The following PLPP4 variants were observed in gnomAD, a reference collection of about 807,000 sequenced individuals.
PLPP4 encodes phospholipid phosphatase 4.
A neutral mutation model predicts 32.2 loss-of-function variants in PLPP4; 20 were observed. The observed-to-expected ratio is 0.62, with a 90% CI of 0.44 to 0.90. The LOEUF (loss-of-function observed/expected upper bound fraction) is 0.90. PLPP4 is among the 40% of genes least tolerant of loss of function. The pLI is 0.00. For synonymous variants in PLPP4, 127 were observed against 133.0 expected, an observed-to-expected ratio of 0.95 and a Z score of 0.31; for missense variants, 257 against 353.1, an observed-to-expected ratio of 0.73 and a Z score of 2.18.
At position 120,550,218 on chromosome 10, in the gene PLPP4, T is replaced by A. The variant is rs146825013; in HGVS notation, c.446-24913T>A. 1.4e-4 allele frequency among the ~76,000 whole-genome samples: 22 copies of A among 152,050 alleles called. No individual in the cohort carries two copies. In the East Asian group the frequency reaches 3.9e-3, roughly 27 times the overall value. ...AGACTTTTAAAGTACCATTTATAGG[T>A]ACTTAGGAATTAATAAACAAAAACT... On this transcript the variant is annotated intron_variant, in intron 5 of 6. Transcript: ENST00000398250.
In PLPP4 at chr10:120,580,673, AC is replaced by A. The variant is rs1564855625; in HGVS notation, c.616+5373del. On this transcript the variant is annotated intron_variant, in intron 6 of 6. Coordinates refer to ENST00000398250, the MANE Select transcript of PLPP4 (RefSeq NM_001030059.3). ...CACACACACACACACACACACACAC[AC>A]ACACACGGCTGAGGGACATACACTG... 1.2e-4 allele frequency among the ~76,000 whole-genome samples: 16 copies of A among 133,044 alleles called. 1 individual carries two copies. Among genetic ancestry groups the A allele is most frequent in the Middle Eastern group, 3.7e-3 (1 of 270 alleles). 87.3% of individuals were successfully genotyped at this position (133,044 alleles called of 152,430 possible). A position where few individuals can be genotyped will look rare whatever the true frequency, so the allele number is the denominator to read the frequency against.
rs376847506 is a variant in PLPP4 at position 120,579,382 on chromosome 10, GAC to G, written c.616+4085_616+4086del. Among the ~76,000 whole-genome samples, 771 of 152,242 alleles carry G rather than the reference GAC, an allele frequency of 5.1e-3. 51 individuals are homozygous for G. The South Asian group carries it at 0.12, about 24-fold the overall frequency. Reference sequence around the variant, plus strand: ...TTGGAAAGCGTCTCGGTCATTCACAGACACAGTTGTCTAACCGGGCTGAAGTT... The same window carrying G: ...TTGGAAAGCGTCTCGGTCATTCACAGACAGTTGTCTAACCGGGCTGAAGTT... On this transcript the variant is annotated intron_variant, in intron 6 of 6. Transcript: ENST00000398250.
At chr10:120,581,229 T>C in intron 6 of PLPP4, 1 of 985,402 alleles carries the variant, frequency 1.0e-6, no homozygotes, top group Non-Finnish European at 1.2e-6. Flanking sequence ...GCATCCTTCC[T>C]TTGTTTTACT....
In PLPP4 at chr10:120,463,928, C is replaced by T. The variant is rs930207119; in HGVS notation, c.56+6567C>T. On this transcript the variant is annotated intron_variant, in intron 1 of 6. Transcript: ENST00000398250. ...CTCCCAGGCTCAAGCAATCCTCCCA[C>T]CTCAGCCTCTCGAGTAGCTGGGACA... Among the ~76,000 whole-genome samples, 39 of 152,292 alleles carry T rather than the reference C, an allele frequency of 2.6e-4. 1 individual carries two copies. The highest frequency in any genetic ancestry group is 1.4e-3 in the Admixed American group (21 of 15,300).
At chr10:120,457,815 C>T (rs1251527265) in intron 1 of PLPP4, among the ~76,000 whole-genome samples, 1 of 152,188 alleles carries the variant, frequency 6.6e-6, no homozygotes, top group Non-Finnish European at 1.5e-5. Context: ...GTGTCCCTGG[C>T]TTTAGCGCCC....
At chr10:120,524,842 A>G (rs776927815) in intron 5 of PLPP4, among the ~76,000 whole-genome samples, 2 of 152,248 alleles carry the variant, frequency 1.3e-5, no homozygotes, top group Non-Finnish European at 2.9e-5. Context: ...TGCTTAAAGC[A>G]GGGATATTCT....
intron 1 of PLPP4, among the ~76,000 whole-genome samples, chr10:120,477,337 T>C (rs1027414684): frequency 6.7e-6 from 1 of 150,256 alleles, no homozygotes; most frequent in Non-Finnish European, 1.5e-5. Context: ...AATCTAAAGG[T>C]ATGTCGAATA....
At chr10:120,527,370 A>G (rs1316885386) in intron 5 of PLPP4, among the ~76,000 whole-genome samples, 1 of 152,110 alleles carries the variant, frequency 6.6e-6, no homozygotes, top group Non-Finnish European at 1.5e-5. Context: ...TATCTGGGAA[A>G]CCTCAATCTT....
In PLPP4 at chr10:120,555,838, A is replaced by G. The variant is rs113731326; in HGVS notation, c.446-19293A>G. On this transcript the variant is annotated intron_variant, in intron 5 of 6. Transcript: ENST00000398250. ...ACAAAATTAAGTTATGAGGATCACA[A>G]GGTGAAAAAGACAGCATCTGTTCTT... is the stretch of plus-strand genomic sequence containing the variant. Among the ~76,000 whole-genome samples, 1,246 of 152,330 alleles carry G rather than the reference A, an allele frequency of 8.2e-3. 22 individuals are homozygous for G. Among genetic ancestry groups the G allele is most frequent in the African/African-American group, 0.029 (1,197 of 41,574 alleles).
At chr10:120,529,222 G>C (rs893729689) in intron 5 of PLPP4, among the ~76,000 whole-genome samples, 1 of 152,062 alleles carries the variant, frequency 6.6e-6, no homozygotes, top group Non-Finnish European at 1.5e-5. Context: ...GTAACAGGGG[G>C]TGCTATTGGC....
intron 1 of PLPP4, among the ~76,000 whole-genome samples, chr10:120,458,097 G>A (rs1464756350): frequency 6.6e-6 from 1 of 152,162 alleles, no homozygotes; most frequent in Non-Finnish European, 1.5e-5. Context: ...AGAGATGCCT[G>A]AGCCTCCTCC....
chr10:120,520,890 G>A, intron 4 of PLPP4, 81 bp from the exon 5 acceptor site: 1 of 1,551,322 alleles, frequency 6.4e-7, no homozygotes, highest in Non-Finnish European at 8.8e-7. Flanking sequence ...GCTGGGGGCA[G>A]TGGGGAGTTG....
chr10:120,513,384 T>G (rs1247011941), intron 2 of PLPP4, among the ~76,000 whole-genome samples: 5 of 152,192 alleles, frequency 3.3e-5, no homozygotes, highest in Admixed American at 1.3e-4. Context: ...GTTGAGCATC[T>G]ATGTGGAGGA....
intron 6 of PLPP4, among the ~76,000 whole-genome samples, chr10:120,586,985 A>T (rs917070607): frequency 6.6e-6 from 1 of 152,178 alleles, no homozygotes; most frequent in Non-Finnish European, 1.5e-5. Context: ...AATAGAAATG[A>T]CATTGAGCCC....
intron 1 of PLPP4, among the ~76,000 whole-genome samples, chr10:120,487,517 G>A (rs1844515185): frequency 6.6e-6 from 1 of 152,198 alleles, no homozygotes; most frequent in South Asian, 2.1e-4. Flanking sequence ...AGCAACATTT[G>A]ATTTATTTCT....
chr10:120,580,719 G>C (rs1468468250), intron 6 of PLPP4, among the ~76,000 whole-genome samples: 1 of 150,592 alleles, frequency 6.6e-6, no homozygotes, highest in Non-Finnish European at 1.5e-5. Context: ...GGCCTCCCTT[G>C]TGCTGTCAGA....
intron 2 of PLPP4, among the ~76,000 whole-genome samples, chr10:120,505,420 A>G (rs376057751): frequency 6.6e-6 from 1 of 152,360 alleles, no homozygotes. Context: ...GCAGCCTCCC[A>G]GCAGTTTGAA....
intron 2 of PLPP4, among the ~76,000 whole-genome samples, chr10:120,505,929 A>C (rs1056822432): frequency 2.0e-5 from 3 of 152,170 alleles, no homozygotes; most frequent in Non-Finnish European, 4.4e-5. Flanking sequence ...TGTTGTAAAA[A>C]CACAATTTGG....
chr10:120,543,486 G>T (rs1365229923), intron 5 of PLPP4, among the ~76,000 whole-genome samples: 1 of 152,028 alleles, frequency 6.6e-6, no homozygotes, highest in Non-Finnish European at 1.5e-5. Context: ...ATTGGCAGAT[G>T]CTCAATGCAA....
Sources: allele counts gnomAD v4.1 joint callset (sites outside exome capture counted in the v4.1 genomes callset), GRCh38; gene constraint gnomAD v4.1.1; transcripts MANE v1.5; gene names NCBI Gene and HGNC (gene_info 2026-07-23, HGNC 2026-07-21).